ZNF12: variants seen among roughly 807,000 people sequenced by gnomAD.
The protein encoded by ZNF12 is zinc finger protein 12.
In ZNF12, 34 loss-of-function variants were observed where a neutral mutation model predicts 66.6. The ratio of observed to expected loss-of-function variants is 0.51; its 90% CI spans 0.39 to 0.68. ZNF12 has a LOEUF of 0.68. ZNF12 is among the 30% of genes least tolerant of loss of function. The pLI is 0.00. For missense variants in ZNF12, 697 were observed against 826.9 expected (o/e 0.84, Z 1.93); for synonymous variants, 320 against 278.9 (o/e 1.15, Z -1.47).
chr7:6,703,153 C>T (rs552329715), intron 2 of ZNF12, among the ~76,000 whole-genome samples: 7 of 152,314 alleles, frequency 4.6e-5, no homozygotes, highest in African/African-American at 1.7e-4. Context: ...GGCCTTTTCT[C>T]AAGCCTGCTT....
intron 4 of ZNF12, among the ~76,000 whole-genome samples, chr7:6,694,544 G>C (rs561598585): frequency 6.6e-6 from 1 of 152,262 alleles, no homozygotes; most frequent in African/African-American, 2.4e-5. Flanking sequence ...AGTTGTTCTG[G>C]AGGAAGTGGG....
At chr7:6,699,940 C>A (rs570359583) in intron 2 of ZNF12, among the ~76,000 whole-genome samples, 1 of 152,048 alleles carries the variant, frequency 6.6e-6, no homozygotes, top group East Asian at 1.9e-4. Flanking sequence ...ATTTTATTTT[C>A]GATTTTTTTT....
intron 2 of ZNF12, among the ~76,000 whole-genome samples, chr7:6,701,951 CA>C (rs34380276): frequency 0.15 from 19,632 of 127,006 alleles, 2,288 homozygotes; most frequent in African/African-American, 0.33. Flanking sequence ...CAAAATTTCT[CA>C]AAAAAAAAAA....
In ZNF12 at chr7:6,691,122, C is replaced by A. The variant is rs1780060426; in HGVS notation, c.1820G>T (p.Cys607Phe). The change falls in exon 5 of 5, where the codon TGT becomes TTT. Residue 607 changes from cysteine to phenylalanine, a missense_variant. Cys to Phe is a radical substitution (Grantham distance 205). This residue lies in a region of ZNF12 where 401 missense variants were observed against 519.0 expected (regional missense o/e 0.77). Coordinates refer to ENST00000405858, the MANE Select transcript of ZNF12 (RefSeq NM_016265.4). ...RTHTGEKAYECYECGKCFSQM... is the reference protein window; with the variant it reads ...RTHTGEKAYEFYECGKCFSQM... ...AGAGAAGCACTTCCCACATTCATAA[C>A]ATTCGTAGGCTTTCTCTCCTGTGTG... The A allele has an allele frequency of 1.2e-6, 2 of 1,614,138 alleles. No homozygotes were observed. Among genetic ancestry groups the A allele is most frequent in the Non-Finnish European group, 1.7e-6 (2 of 1,179,996 alleles).
At position 6,697,879 on chromosome 7, in the gene ZNF12, C is replaced by G. The variant is rs1340470862; in HGVS notation, c.16-68G>C. 6 of 1,574,634 alleles carry G rather than the reference C, an allele frequency of 3.8e-6. No individual in the cohort carries two copies. Among genetic ancestry groups the G allele is most frequent in the Admixed American group, 3.3e-5 (2 of 59,938 alleles). On this transcript the variant is annotated intron_variant, in intron 2 of 4. Coordinates refer to ENST00000405858, the MANE Select transcript of ZNF12 (RefSeq NM_016265.4). This position sits in a 1 kb window ranked among gnomAD's most constrained non-coding sequence, Gnocchi z 6.1. Reference sequence around the variant, plus strand: ...CACATAGGTACAAGATCTTAGCATGCTCACTGGCAAAATTAACCATGAACA... The same window carrying G: ...CACATAGGTACAAGATCTTAGCATGGTCACTGGCAAAATTAACCATGAACA...
At chr7:6,700,289 G>GA (rs71539971) in intron 2 of ZNF12, among the ~76,000 whole-genome samples, 13,117 of 119,210 alleles carry the variant, frequency 0.11, 805 homozygotes, top group Middle Eastern at 0.16. Context: ...CGTCTGAGAG[G>GA]AAAAAAAAAA....
In ZNF12 at chr7:6,692,385, C is replaced by G. The variant is rs1317197273; in HGVS notation, c.557G>C (p.Gly186Ala). Residue 186 changes from glycine to alanine, a missense_variant, in exon 5 of 5, where the codon GGA becomes GCA. Physicochemically the swap from Gly to Ala is moderately conservative, Grantham distance 60. This residue lies in a region of ZNF12 where 241 missense variants were observed against 224.0 expected (regional missense o/e 1.08). Transcript: ENST00000405858. This position sits in a 1 kb window ranked among gnomAD's most constrained non-coding sequence, Gnocchi z 5.1. Reference protein sequence around the residue: ...LHIKLEKTHPGDQAYEFNQNG... With the variant: ...LHIKLEKTHPADQAYEFNQNG... The stretch of plus-strand genomic sequence containing the variant: ...TTGATTAAATTCATAAGCTTGATCT[C>G]CTGGATGAGTTTTCTCAAGCTTAAT... The G allele has an allele frequency of 1.2e-6, 2 of 1,612,436 alleles. No individual in the cohort carries two copies. Among genetic ancestry groups the G allele is most frequent in the African/African-American group, 2.7e-5 (2 of 74,884 alleles).
rs1780192434 is a variant in ZNF12 at position 6,698,893 on chromosome 7, G to T, written c.16-1082C>A. On this transcript the variant is annotated intron_variant, in intron 2 of 4. Transcript: ENST00000405858. This position sits in a 1 kb window ranked among gnomAD's most constrained non-coding sequence, Gnocchi z 4.4. ...TCCCCTCTAAAATAAAGAGAATAAT[G>T]CTACCTATACATAATACCAGTATTA... 1.3e-5 allele frequency among the ~76,000 whole-genome samples: 2 copies of T among 152,160 alleles called. No homozygotes were observed. Among genetic ancestry groups the T allele is most frequent in the Admixed American group, 1.3e-4 (2 of 15,274 alleles).
Position 6,697,861 on chromosome 7 carries a change from G to T in ZNF12, c.16-50C>A, listed in dbSNP as rs372495360. On this transcript the variant is annotated intron_variant, in intron 2 of 4. Transcript: ENST00000405858. The surrounding 1 kb of genome is among the most constrained non-coding windows in gnomAD (Gnocchi z 6.1). ...TGGGTGACGTGAAATAGGCACATAGGTACAAGATCTTAGCATGCTCACTGG... is the reference window on the plus strand; with the variant it reads ...TGGGTGACGTGAAATAGGCACATAGTTACAAGATCTTAGCATGCTCACTGG... 1.2e-6 allele frequency: 2 copies of T among 1,610,744 alleles called. No homozygotes were observed. Among genetic ancestry groups the T allele is most frequent in the Non-Finnish European group, 1.7e-6 (2 of 1,177,584 alleles).
chr7:6,703,534 C>T (rs1780292256), intron 2 of ZNF12, among the ~76,000 whole-genome samples: 1 of 152,070 alleles, frequency 6.6e-6, no homozygotes, highest in African/African-American at 2.4e-5. Flanking sequence ...GACGATGGAA[C>T]AATGAATCAA....
chr7:6,691,610 T>C lies in ZNF12; in HGVS notation c.1332A>G (p.Lys444=). The C allele has an allele frequency of 1.2e-6, 2 of 1,613,826 alleles. No homozygotes were observed. Among genetic ancestry groups the C allele is most frequent in the Non-Finnish European group, 1.7e-6 (2 of 1,179,868 alleles). ...TGAGATATGACAACCGAGAGAAGAA[T>C]TTTCCACACTCATTACATTCATACG... ...EKPYECNECG[K]FFSRLSYLTV... is the part of the protein sequence containing the mutation. Residue 444 remains lysine (K), a synonymous_variant, in exon 5 of 5, where the codon AAA becomes AAG. Coordinates refer to ENST00000405858, the MANE Select transcript of ZNF12 (RefSeq NM_016265.4).
Position 6,705,313 on chromosome 7 carries a change from C to T in ZNF12, c.-50-90G>A. 3.3e-6 allele frequency: 3 copies of T among 917,902 alleles called. No individual in the cohort carries two copies. Among genetic ancestry groups the T allele is most frequent in the Non-Finnish European group, 3.4e-6 (2 of 592,318 alleles). The allele number at this position is 917,902 out of a possible 1,614,324, so 56.9% of individuals were successfully genotyped here. On this transcript the variant is annotated intron_variant, in intron 1 of 4. Coordinates refer to ENST00000405858, the MANE Select transcript of ZNF12 (RefSeq NM_016265.4). The surrounding 1 kb of genome is among the most constrained non-coding windows in gnomAD (Gnocchi z 4.0). ...CGCCCAAAACCTACACAGAAAGTTC[C>T]AAGAAGTACATCTTGTGGGAGACTG...
At chr7:6,699,459 G>T (rs571620861) in intron 2 of ZNF12, among the ~76,000 whole-genome samples, 2 of 152,316 alleles carry the variant, frequency 1.3e-5, no homozygotes, top group African/African-American at 2.4e-5. Flanking sequence ...TGGGACACAC[G>T]GTGGGGAAAG....
intron 4 of ZNF12, among the ~76,000 whole-genome samples, chr7:6,695,830 T>G (rs1051126909): frequency 2.6e-5 from 4 of 152,300 alleles, no homozygotes; most frequent in African/African-American, 9.6e-5. Flanking sequence ...GGTTGAAGAT[T>G]TGAGGTCAGA....
Position 6,697,516 on chromosome 7 carries a change from T to C in ZNF12, c.143-82A>G. The C allele has an allele frequency of 6.5e-7, 1 of 1,533,212 alleles. No individual in the cohort carries two copies. Among genetic ancestry groups the C allele is most frequent in the African/African-American group, 1.4e-5 (1 of 72,840 alleles). 95.0% of individuals were successfully genotyped at this position (1,533,212 alleles called of 1,614,324 possible). The stretch of plus-strand genomic sequence containing the variant: ...TGTCATACAGGGAAAATTCCATTTG[T>C]GTCTTATCAAAATCAGAACTTTTCA... On this transcript the variant is annotated intron_variant, in intron 3 of 4. Coordinates refer to ENST00000405858, the MANE Select transcript of ZNF12 (RefSeq NM_016265.4). The surrounding 1 kb of genome is among the most constrained non-coding windows in gnomAD (Gnocchi z 6.1).
chr7:6,705,781 A>G lies in ZNF12; in HGVS notation c.-50-558T>C, dbSNP rs1195377302. 6.6e-6 allele frequency among the ~76,000 whole-genome samples: 1 copy of G among 152,158 alleles called. No homozygotes were observed. Among genetic ancestry groups the G allele is most frequent in the Non-Finnish European group, 1.5e-5 (1 of 68,034 alleles). ...AAAATGAATTCTGTAATACTCATCT[A>G]TTTTCTTACTCTTTTAAATAAAGAT... On this transcript the variant is annotated intron_variant, in intron 1 of 4. Transcript: ENST00000405858. The surrounding 1 kb of genome is among the most constrained non-coding windows in gnomAD (Gnocchi z 4.0).
chr7:6,701,951 CAAAAAA>C lies in ZNF12; in HGVS notation c.15+3202_15+3207del, dbSNP rs34380276. ...CTTTTTCCTTTAGGGCAAAATTTCTCAAAAAAAAAAAAAAAAAAAATTCTCAATAGA... is the reference window on the plus strand; with the variant it reads ...CTTTTTCCTTTAGGGCAAAATTTCTCAAAAAAAAAAAAAATTCTCAATAGA... On this transcript the variant is annotated intron_variant, in intron 2 of 4. Coordinates refer to ENST00000405858, the MANE Select transcript of ZNF12 (RefSeq NM_016265.4). 2.9e-3 allele frequency among the ~76,000 whole-genome samples: 367 copies of C among 127,194 alleles called. 2 individuals are homozygous for C. Among genetic ancestry groups the C allele is most frequent in the African/African-American group, 8.9e-3 (335 of 37,688 alleles). The allele number at this position is 127,194 out of a possible 152,430, so 83.4% of individuals were successfully genotyped here.
In ZNF12 at chr7:6,692,551, T is replaced by G. The variant is rs1394801268; in HGVS notation, c.391A>C (p.Arg131=). 2 of 1,613,848 alleles carry G rather than the reference T, an allele frequency of 1.2e-6. No individual in the cohort carries two copies. Among genetic ancestry groups the G allele is most frequent in the South Asian group, 2.2e-5 (2 of 91,044 alleles). The change falls in exon 5 of 5, where the codon AGA becomes CGA. Residue 131 remains arginine, a synonymous_variant. Coordinates refer to ENST00000405858, the MANE Select transcript of ZNF12 (RefSeq NM_016265.4). The surrounding 1 kb of genome is among the most constrained non-coding windows in gnomAD (Gnocchi z 5.1). ...AGGCTATTTTTATAGGCTATTTTTC[T>G]TGAAGGAACAGGGTTCGTTTCTACA... ...FDVETNPVPS[R]KIAYKNSLCD...
Position 6,706,857 on chromosome 7 carries a change from C to T in ZNF12, c.-476G>A. The T allele has an allele frequency of 5.1e-6, 2 of 390,270 alleles. No individual in the cohort carries two copies. The highest frequency in any genetic ancestry group is 1.7e-5 in the South Asian group (1 of 57,532). 24.2% of individuals were successfully genotyped at this position (390,270 alleles called of 1,614,324 possible). A position where few individuals can be genotyped will look rare whatever the true frequency, so the allele number is the denominator to read the frequency against. ...CGGCCCGGCTCTTCGGCGCCCAGCCCCGCAGGCTCCGCGATTCTCGCCCAC... is the reference window on the plus strand; with the variant it reads ...CGGCCCGGCTCTTCGGCGCCCAGCCTCGCAGGCTCCGCGATTCTCGCCCAC... On this transcript the variant is annotated 5_prime_UTR_variant, in exon 1 of 5. Transcript: ENST00000405858.
Sources: allele counts gnomAD v4.1 joint callset (sites outside exome capture counted in the v4.1 genomes callset), GRCh38; gene constraint gnomAD v4.1.1; regional missense constraint gnomAD v4.1.1; non-coding constraint Gnocchi (gnomAD v3.1); transcripts MANE v1.5; gene names NCBI Gene and HGNC (gene_info 2026-07-23, HGNC 2026-07-21).